Variants in RTF1 observed in about 807,000 individuals in gnomAD.
RTF1 encodes the protein RNA polymerase-associated protein RTF1 homolog.
RTF1 carries 10 observed loss-of-function variants against 95.7 expected under a neutral mutation model. The ratio of observed to expected loss-of-function variants is 0.10; its 90% CI spans 0.06 to 0.18. The LOEUF (loss-of-function observed/expected upper bound fraction) is 0.18. RTF1 is among the 10% of genes least tolerant of loss of function. The pLI is 1.00. For missense variants in RTF1, 458 were observed against 875.6 expected (o/e 0.52, Z 6.02); for synonymous variants, 305 against 311.8 (o/e 0.98, Z 0.23).
At position 41,452,950 on chromosome 15, in the gene RTF1, T is replaced by C. The variant is rs747208093; in HGVS notation, c.359T>C (p.Ile120Thr). The change falls in exon 3 of 18, where the codon ATA (isoleucine) becomes ACA (threonine). Residue 120 changes from isoleucine (I) to threonine (T), a missense_variant. Coordinates refer to ENST00000389629, the MANE Select transcript of RTF1 (RefSeq NM_015138.5). ...AAGAAGAAAGGAAAAGCCAGAAAAATAGAGAAGAAAGGAACCATGAAGAAA... is the reference window on the plus strand; with the variant it reads ...AAGAAGAAAGGAAAAGCCAGAAAAACAGAGAAGAAAGGAACCATGAAGAAA... ...KNKKKGKARK[I>T]EKKGTMKKQA... 12 of 1,611,854 alleles carry C rather than the reference T, an allele frequency of 7.4e-6. No homozygotes were observed. The highest frequency in any genetic ancestry group is 1.0e-5 in the Non-Finnish European group (12 of 1,179,380).
At chr15:41,469,561 T>C (rs979070252) in intron 6 of RTF1, among the ~76,000 whole-genome samples, 1 of 151,038 alleles carries the variant, frequency 6.6e-6, no homozygotes, top group Non-Finnish European at 1.5e-5. Flanking sequence ...TCTCGCTCTG[T>C]TGCCCAGGCT....
chr15:41,471,751 C>T (rs1243949932), intron 8 of RTF1, among the ~76,000 whole-genome samples: 1 of 151,950 alleles, frequency 6.6e-6, no homozygotes, highest in African/African-American at 2.4e-5. Context: ...TAAAAAAAAC[C>T]CTCCAGACTA....
rs1486407819 is a variant in RTF1 at position 41,435,417 on chromosome 15, C to T, written c.199-2904C>T. 3.3e-5 allele frequency among the ~76,000 whole-genome samples: 5 copies of T among 151,316 alleles called. No individual in the cohort carries two copies. In the East Asian group the frequency reaches 9.7e-4, roughly 29 times the overall value. Reference sequence around the variant, plus strand: ...AGAGACTGGGTCTCTACAAGCAAGCCTCCTACCTTGGCCTCCCAAAGTGTT... The same window carrying T: ...AGAGACTGGGTCTCTACAAGCAAGCTTCCTACCTTGGCCTCCCAAAGTGTT... On this transcript the variant is annotated intron_variant, in intron 1 of 17. Coordinates refer to ENST00000389629, the MANE Select transcript of RTF1 (RefSeq NM_015138.5).
Position 41,480,529 on chromosome 15 carries a change from C to T in RTF1, c.2027-52C>T, listed in dbSNP as rs1051726059. 4 of 1,333,732 alleles carry T rather than the reference C, an allele frequency of 3.0e-6. No homozygotes were observed. The South Asian group carries it at 4.7e-5, about 16-fold the overall frequency. 82.6% of individuals were successfully genotyped at this position (1,333,732 alleles called of 1,614,324 possible). On this transcript the variant is annotated intron_variant, in intron 17 of 17. Coordinates refer to ENST00000389629, the MANE Select transcript of RTF1 (RefSeq NM_015138.5). ...CTGCCTGCAGGAGTGTAGCACAGGA[C>T]TAAGAGGACTTTGTGGGACCTCAGC...
At chr15:41,446,245 T>TC (rs1416583529) in intron 2 of RTF1, among the ~76,000 whole-genome samples, 1 of 152,136 alleles carries the variant, frequency 6.6e-6, no homozygotes, top group Non-Finnish European at 1.5e-5. Context: ...GAACTTTTTT[T>TC]CCCCCACAGA....
chr15:41,433,202 C>G (rs2050684435), intron 1 of RTF1, among the ~76,000 whole-genome samples: 1 of 152,012 alleles, frequency 6.6e-6, no homozygotes, highest in South Asian at 2.1e-4. Flanking sequence ...GAGCCGAGAT[C>G]ACTCCACTAT....
rs565693390 is a variant in RTF1, at chr15:41,458,282, C to G, written c.662+406C>G. On this transcript the variant is annotated intron_variant, in intron 4 of 17. Coordinates refer to ENST00000389629, the MANE Select transcript of RTF1 (RefSeq NM_015138.5). ...CTATTCTTAGTGCCTAGAACAGTAC[C>G]TGGCACAGAGATATGCACTAAATAC... Among the ~76,000 whole-genome samples the G allele has an allele frequency of 3.9e-5, 6 of 152,244 alleles. No homozygotes were observed. In the South Asian group the frequency reaches 8.3e-4, roughly 21 times the overall value.
chr15:41,465,195 C>T (rs751861996), intron 5 of RTF1, among the ~76,000 whole-genome samples: 45 of 149,934 alleles, frequency 3.0e-4, no homozygotes, highest in Non-Finnish European at 5.2e-4. Flanking sequence ...TTTCCCTGGT[C>T]TCATTATGTT....
intron 5 of RTF1, 140 bp from the exon 6 acceptor site, chr15:41,466,001 C>T: frequency 1.9e-6 from 1 of 519,132 alleles, no homozygotes; most frequent in Non-Finnish European, 3.4e-6. Context: ...CAAGAGGATG[C>T]TCTCTCCCCT....
intron 6 of RTF1, among the ~76,000 whole-genome samples, chr15:41,469,113 C>T (rs774908611): frequency 6.6e-6 from 1 of 151,058 alleles, no homozygotes. Flanking sequence ...AGACTACATG[C>T]GTGCACCACC....
intron 4 of RTF1, among the ~76,000 whole-genome samples, chr15:41,462,332 G>C (rs2050853860): frequency 1.3e-5 from 2 of 152,084 alleles, no homozygotes; most frequent in Admixed American, 1.3e-4. Flanking sequence ...TCAGTTGTTA[G>C]ATTATTCATG....
At chr15:41,438,515 T>A in intron 2 of RTF1, 84 bp downstream of exon 2, 1 of 816,080 alleles carries the variant, frequency 1.2e-6, no homozygotes, top group Non-Finnish European at 1.9e-6. Context: ...CTCATTTCCT[T>A]AAATGGAGAC....
chr15:41,465,887 G>GT (rs2050878058), intron 5 of RTF1, among the ~76,000 whole-genome samples: 1 of 152,204 alleles, frequency 6.6e-6, no homozygotes, highest in Middle Eastern at 3.2e-3. Flanking sequence ...AACATTAGCT[G>GT]TGTTGTAGTG....
chr15:41,478,555 G>C lies in RTF1; in HGVS notation c.1748G>C (p.Ser583Thr). 6.2e-7 allele frequency: 1 copy of C among 1,613,556 alleles called. No homozygotes were observed. Among genetic ancestry groups the C allele is most frequent in the Non-Finnish European group, 8.5e-7 (1 of 1,179,898 alleles). ...GCATGCTTTCTGTTTCAGGCTGAAA[G>C]TCACAACATGAAAAACCAACAGATG... The part of the protein sequence containing the change: ...VESEKALVAE[S>T]HNMKNQQMDP... Residue 583 changes from serine (S) to threonine (T), a missense_variant, in exon 15 of 18, where the codon AGT (serine) becomes ACT (threonine). By Grantham distance (58) the Ser-to-Thr change is moderately conservative (BLOSUM62 1). Transcript: ENST00000389629.
chr15:41,475,405 C>T, intron 9 of RTF1, 120 bp from the exon 10 acceptor site: 1 of 740,324 alleles, frequency 1.4e-6, no homozygotes, highest in South Asian at 1.7e-5. Context: ...TATAGGGTAG[C>T]TAGGATTGAG....
intron 8 of RTF1, among the ~76,000 whole-genome samples, chr15:41,473,195 G>A (rs752581873): frequency 6.6e-5 from 10 of 151,008 alleles, no homozygotes; most frequent in Admixed American, 1.3e-4. Context: ...GTGCAGTGGC[G>A]CGATCTTGGC....
chr15:41,475,391 A>G, intron 9 of RTF1, 134 bp from the exon 10 acceptor site: 1 of 687,088 alleles, frequency 1.5e-6, no homozygotes, highest in South Asian at 1.9e-5. Flanking sequence ...GCCTGGGATG[A>G]TTTTATAGGG....
chr15:41,430,976 C>G (rs1351805527), intron 1 of RTF1, among the ~76,000 whole-genome samples: 4 of 151,434 alleles, frequency 2.6e-5, no homozygotes, highest in Non-Finnish European at 5.9e-5. Context: ...GATCTCGGCT[C>G]ACTGCAACCT....
intron 1 of RTF1, among the ~76,000 whole-genome samples, chr15:41,420,547 G>A (rs551991966): frequency 3.9e-5 from 6 of 151,976 alleles, no homozygotes; most frequent in South Asian, 4.1e-4. Context: ...GCTGTCTAGC[G>A]TATGGTACTT....
Sources: allele counts gnomAD v4.1 joint callset (sites outside exome capture counted in the v4.1 genomes callset), GRCh38; gene constraint gnomAD v4.1.1; transcripts MANE v1.5; gene names NCBI Gene and HGNC (gene_info 2026-07-23, HGNC 2026-07-21).